Variants in EXOC6B observed in about 807,000 individuals in gnomAD.
EXOC6B encodes SEC15 homolog B.
A neutral mutation model predicts 113.5 loss-of-function variants in EXOC6B; 54 were observed. The ratio of observed to expected loss-of-function variants is 0.48; its 90% CI spans 0.38 to 0.60. The LOEUF (loss-of-function observed/expected upper bound fraction) is 0.60. Among genes scored for constraint, EXOC6B ranks in the 20% least tolerant of loss-of-function variants. EXOC6B has a pLI of 0.00. For missense variants in EXOC6B, 797 were observed against 977.5 expected (o/e 0.82, Z 2.46); for synonymous variants, 357 against 339.0 (o/e 1.05, Z -0.58).
At chr2:72,775,638 C>T (rs1490815819) in intron 1 of EXOC6B, among the ~76,000 whole-genome samples, 1 of 151,782 alleles carries the variant, frequency 6.6e-6, no homozygotes, top group Admixed American at 6.6e-5. Context: ...TGCTGAGATG[C>T]TGAGAAAAAG....
intron 1 of EXOC6B, among the ~76,000 whole-genome samples, chr2:72,743,690 C>T (rs1225346788): frequency 6.6e-6 from 1 of 152,194 alleles, no homozygotes. Flanking sequence ...AATAAGTAAA[C>T]ATTCACTGAG....
intron 6 of EXOC6B, among the ~76,000 whole-genome samples, chr2:72,653,179 G>A (rs559921202): frequency 1.3e-5 from 2 of 151,310 alleles, no homozygotes; most frequent in Admixed American, 1.3e-4. Context: ...ATGATAGACT[G>A]GATTAAGAAA....
At chr2:72,457,935 C>T (rs1558686239) in intron 18 of EXOC6B, among the ~76,000 whole-genome samples, 1 of 152,088 alleles carries the variant, frequency 6.6e-6, no homozygotes, top group South Asian at 2.1e-4. Context: ...CAAACACACT[C>T]GGATTCTCCC....
intron 6 of EXOC6B, among the ~76,000 whole-genome samples, chr2:72,701,123 C>A (rs1457106850): frequency 6.6e-6 from 1 of 151,802 alleles, no homozygotes; most frequent in Non-Finnish European, 1.5e-5. Context: ...GAAGGTGGAT[C>A]ATGAGGTCAA....
Position 72,731,191 on chromosome 2 carries a change from A to T in EXOC6B, c.382T>A (p.Ser128Thr). Residue 128 changes from serine (S) to threonine (T), a missense_variant, in exon 4 of 22, where the codon TCT becomes ACT. Ser to Thr is a moderately conservative substitution (Grantham distance 58). Transcript: ENST00000272427. ...AGCATTAATTTATCAACAGTGGCAG[A>T]AATATTTCTCTGTTGTAGTCGACAC... is the stretch of plus-strand genomic sequence containing the variant. ...KQCRLQQRNI[S>T]ATVDKLMLCL... is the part of the protein sequence containing the mutation. 6.2e-7 allele frequency: 1 copy of T among 1,613,462 alleles called. No individual in the cohort carries two copies. Among genetic ancestry groups the T allele is most frequent in the Non-Finnish European group, 8.5e-7 (1 of 1,179,700 alleles).
At position 72,335,028 on chromosome 2, in the gene EXOC6B, A is replaced by T. The variant is rs1413772239; in HGVS notation, c.2123-8T>A. Reference sequence around the variant, plus strand: ...GGCCGGATCTGGCAAACTCTGTGGGAAAGAAAAGAGGATAAAAAGCGCCTT... The same window carrying T: ...GGCCGGATCTGGCAAACTCTGTGGGTAAGAAAAGAGGATAAAAAGCGCCTT... On this transcript the variant is annotated splice_polypyrimidine_tract_variant and splice_region_variant and intron_variant, in intron 19 of 21. Coordinates refer to ENST00000272427, the MANE Select transcript of EXOC6B (RefSeq NM_015189.3). 2.5e-6 allele frequency: 4 copies of T among 1,613,002 alleles called. No homozygotes were observed. The highest frequency in any genetic ancestry group is 3.4e-6 in the Non-Finnish European group (4 of 1,179,246).
chr2:72,622,682 C>A (rs1433495364), intron 6 of EXOC6B, among the ~76,000 whole-genome samples: 1 of 151,916 alleles, frequency 6.6e-6, no homozygotes, highest in African/African-American at 2.4e-5. Flanking sequence ...TGCACTCCAG[C>A]CTGGGTGACA....
rs1268054312 is a variant in EXOC6B at position 72,258,195 on chromosome 2, C to G, written c.2197-74008G>C. Among the ~76,000 whole-genome samples the G allele has an allele frequency of 3.9e-5, 6 of 152,126 alleles. No individual in the cohort carries two copies. The East Asian group carries it at 1.2e-3, about 29-fold the overall frequency. On this transcript the variant is annotated intron_variant, in intron 20 of 21. Transcript: ENST00000272427. Reference sequence around the variant, plus strand: ...AGAAAACAGTGTTGTCTTTACAAGTCAAGCATGAACAGTACCAAAGCATTT... The same window carrying G: ...AGAAAACAGTGTTGTCTTTACAAGTGAAGCATGAACAGTACCAAAGCATTT...
chr2:72,250,488 G>A (rs1682942939), intron 20 of EXOC6B, among the ~76,000 whole-genome samples: 1 of 151,978 alleles, frequency 6.6e-6, no homozygotes, highest in African/African-American at 2.4e-5. Flanking sequence ...GACTACAGGT[G>A]TATGCCACCA....
chr2:72,389,785 T>C (rs761989432), intron 18 of EXOC6B, among the ~76,000 whole-genome samples: 1 of 152,232 alleles, frequency 6.6e-6, no homozygotes, highest in Non-Finnish European at 1.5e-5. Context: ...ATGTACTATG[T>C]ATTTTTTCCC....
intron 20 of EXOC6B, among the ~76,000 whole-genome samples, chr2:72,265,253 TA>T (rs1475273765): frequency 2.2e-4 from 33 of 150,620 alleles, no homozygotes; most frequent in African/African-American, 8.1e-4. Flanking sequence ...TTATTATTAT[TA>T]TTATTATTAT....
intron 19 of EXOC6B, among the ~76,000 whole-genome samples, chr2:72,368,483 A>T (rs1295255301): frequency 6.6e-6 from 1 of 152,208 alleles, no homozygotes; most frequent in Non-Finnish European, 1.5e-5. Flanking sequence ...CAATCAATAG[A>T]AAAAGAGGGA....
At chr2:72,321,232 A>C (rs964844246) in intron 20 of EXOC6B, among the ~76,000 whole-genome samples, 46 of 152,218 alleles carry the variant, frequency 3.0e-4, no homozygotes, top group African/African-American at 1.1e-3. Flanking sequence ...AAATCAAAAT[A>C]TATGTTCACA....
intron 6 of EXOC6B, among the ~76,000 whole-genome samples, chr2:72,590,434 AAT>A (rs1193798153): frequency 6.6e-6 from 1 of 152,052 alleles, no homozygotes; most frequent in African/African-American, 2.4e-5. Context: ...ACAAGAAAAC[AAT>A]ATGTTACTAT....
At chr2:72,404,457 C>G (rs545807367) in intron 18 of EXOC6B, among the ~76,000 whole-genome samples, 1 of 152,188 alleles carries the variant, frequency 6.6e-6, no homozygotes, top group Non-Finnish European at 1.5e-5. Context: ...AAGGCACCCC[C>G]CAGTAGGGGC....
At chr2:72,794,449 G>A (rs900023801) in intron 1 of EXOC6B, among the ~76,000 whole-genome samples, 4 of 152,082 alleles carry the variant, frequency 2.6e-5, no homozygotes, top group African/African-American at 9.7e-5. Flanking sequence ...ATCTTGAGGA[G>A]ATATAGAGAA....
At chr2:72,532,169 A>G (rs1260132811) in intron 8 of EXOC6B, among the ~76,000 whole-genome samples, 1 of 152,202 alleles carries the variant, frequency 6.6e-6, no homozygotes, top group Non-Finnish European at 1.5e-5. Flanking sequence ...TATCAGACAA[A>G]AAAGTATTTA....
chr2:72,285,008 T>C (rs1013384378), intron 20 of EXOC6B, among the ~76,000 whole-genome samples: 1 of 152,230 alleles, frequency 6.6e-6, no homozygotes, highest in African/African-American at 2.4e-5. Context: ...TTCATATTCA[T>C]GGATAGGAAG....
intron 6 of EXOC6B, among the ~76,000 whole-genome samples, chr2:72,702,976 T>C (rs1678547913): frequency 6.6e-6 from 1 of 151,808 alleles, no homozygotes; most frequent in Non-Finnish European, 1.5e-5. Flanking sequence ...CCTTTGGTGT[T>C]TTAGACATGA....
Sources: allele counts gnomAD v4.1 joint callset (sites outside exome capture counted in the v4.1 genomes callset), GRCh38; gene constraint gnomAD v4.1.1; transcripts MANE v1.5; gene names NCBI Gene and HGNC (gene_info 2026-07-23, HGNC 2026-07-21).